The following RNF180 variants were observed in gnomAD, a reference collection of about 807,000 sequenced individuals.
RNF180 encodes the protein E3 ubiquitin-protein ligase RNF180.
In RNF180, 38 loss-of-function variants were observed where a neutral mutation model predicts 59.2. The ratio of observed to expected loss-of-function variants is 0.64; its 90% CI spans 0.50 to 0.84. The LOEUF is 0.84. Among genes scored for constraint, RNF180 ranks in the 40% least tolerant of loss-of-function variants. The pLI is 0.00. For missense variants in RNF180, 705 were observed against 700.9 expected, an observed-to-expected ratio of 1.01 and a Z score of -0.07; for synonymous variants, 262 against 240.3, an observed-to-expected ratio of 1.09 and a Z score of -0.84.
At chr5:64,307,864 G>A (rs2112472948) in intron 5 of RNF180, among the ~76,000 whole-genome samples, 1 of 151,884 alleles carries the variant, frequency 6.6e-6, no homozygotes, top group South Asian at 2.1e-4. Flanking sequence ...CCAGTGAGAA[G>A]TCAAAAAATT....
intron 1 of RNF180, among the ~76,000 whole-genome samples, chr5:64,169,319 G>T (rs140202510): frequency 4.6e-5 from 7 of 152,094 alleles, no homozygotes; most frequent in Non-Finnish European, 7.4e-5. Flanking sequence ...GGGCATTAAC[G>T]CTACTCTCAG....
intron 7 of RNF180, among the ~76,000 whole-genome samples, chr5:64,366,128 T>G (rs1348809722): frequency 6.6e-6 from 1 of 151,664 alleles, no homozygotes; most frequent in Non-Finnish European, 1.5e-5. Flanking sequence ...CCATATTTAA[T>G]GCATCTTTCA....
intron 4 of RNF180, among the ~76,000 whole-genome samples, chr5:64,214,733 CTT>C (rs765313017): frequency 2.5e-4 from 38 of 152,186 alleles, no homozygotes; most frequent in South Asian, 8.3e-4. Flanking sequence ...GAAAAAACCT[CTT>C]TTGTGCAATT....
intron 7 of RNF180, among the ~76,000 whole-genome samples, chr5:64,360,942 A>G (rs1197386905): frequency 6.6e-6 from 1 of 151,708 alleles, no homozygotes; most frequent in Non-Finnish European, 1.5e-5. Flanking sequence ...TAGGCATTAA[A>G]TATGCTATAT....
intron 5 of RNF180, among the ~76,000 whole-genome samples, chr5:64,238,984 T>G (rs1033083052): frequency 6.6e-6 from 1 of 152,170 alleles, no homozygotes; most frequent in Non-Finnish European, 1.5e-5. Flanking sequence ...ATGAGGTGGA[T>G]GAAATGGCTA....
intron 2 of RNF180, among the ~76,000 whole-genome samples, chr5:64,209,168 C>T (rs1274469936): frequency 2.0e-5 from 3 of 151,912 alleles, no homozygotes; most frequent in South Asian, 4.1e-4. Context: ...ACTCTTAAAA[C>T]GGTGCCTGTG....
At chr5:64,329,869 C>T (rs186621714) in intron 6 of RNF180, among the ~76,000 whole-genome samples, 109 of 152,328 alleles carry the variant, frequency 7.2e-4, no homozygotes, top group African/African-American at 2.6e-3. Flanking sequence ...GGCAGCAATG[C>T]TTATTTGCCT....
At chr5:64,223,622 G>A (rs1741484414) in intron 5 of RNF180, among the ~76,000 whole-genome samples, 2 of 152,220 alleles carry the variant, frequency 1.3e-5, no homozygotes, top group Middle Eastern at 3.4e-3. Flanking sequence ...CCCAAAGTTT[G>A]TGCCCTTAAC....
chr5:64,178,005 A>G (rs1750351192), intron 1 of RNF180, among the ~76,000 whole-genome samples: 1 of 152,054 alleles, frequency 6.6e-6, no homozygotes, highest in South Asian at 2.1e-4. Context: ...GGAGATTGAG[A>G]CCATCCTGAC....
chr5:64,212,119 G>A lies in RNF180; in HGVS notation c.190G>A (p.Val64Ile), dbSNP rs377386566. The A allele has an allele frequency of 6.8e-6, 11 of 1,607,742 alleles. No individual in the cohort carries two copies. The African/African-American group carries it at 1.3e-4, about 20-fold the overall frequency. Reference sequence around the variant, plus strand: ...TATTTGTCATGTGTGGCACATGAATGTAGAAGCCCTTCCAGAATGGATAAG... The same window carrying A: ...TATTTGTCATGTGTGGCACATGAATATAGAAGCCCTTCCAGAATGGATAAG... ...QNICHVWHMNVEALPEWISCL... is the reference protein window; with the variant it reads ...QNICHVWHMNIEALPEWISCL... The change falls in exon 3 of 8, where the codon GTA becomes ATA. Residue 64 changes from valine (V) to isoleucine (I), a missense_variant. Coordinates refer to ENST00000389100, the MANE Select transcript of RNF180 (RefSeq NM_001113561.2).
At chr5:64,352,754 G>T (rs1345825897) in intron 7 of RNF180, among the ~76,000 whole-genome samples, 4 of 151,916 alleles carry the variant, frequency 2.6e-5, no homozygotes, top group Non-Finnish European at 4.4e-5. Context: ...GGAATTTTTT[G>T]ATATAAAATA....
In RNF180 at chr5:64,325,194, T is replaced by C; in HGVS notation, c.1236T>C (p.Asn412=). 1 of 1,547,846 alleles carries C rather than the reference T, an allele frequency of 6.5e-7. No individual in the cohort carries two copies. Among genetic ancestry groups the C allele is most frequent in the Non-Finnish European group, 8.7e-7 (1 of 1,143,596 alleles). The change falls in exon 6 of 8, where the codon AAT becomes AAC. Residue 412 remains asparagine (N), a synonymous_variant. Coordinates refer to ENST00000389100, the MANE Select transcript of RNF180 (RefSeq NM_001113561.2). ...GVGLLDHMTL[N]NEMSTDEDNE... ...TTTCTTATGTTTTGCAGACTTTGAA[T>C]AATGAGATGAGTACAGATGAAGACA...
chr5:64,202,109 G>A (rs1751785210), intron 2 of RNF180, among the ~76,000 whole-genome samples: 1 of 152,192 alleles, frequency 6.6e-6, no homozygotes, highest in Admixed American at 6.5e-5. Flanking sequence ...GCCCTGCCAT[G>A]AATCAGATCA....
At chr5:64,260,643 G>A (rs1451099433) in intron 5 of RNF180, among the ~76,000 whole-genome samples, 1 of 152,104 alleles carries the variant, frequency 6.6e-6, no homozygotes, top group Non-Finnish European at 1.5e-5. Flanking sequence ...TTCTAGAGAG[G>A]TAATTAAACA....
At chr5:64,260,144 A>G (rs555286575) in intron 5 of RNF180, among the ~76,000 whole-genome samples, 4 of 152,318 alleles carry the variant, frequency 2.6e-5, no homozygotes, top group African/African-American at 9.6e-5. Context: ...ATATTTATAC[A>G]TATTTATGCA....
chr5:64,285,818 A>G (rs898894444), intron 5 of RNF180, among the ~76,000 whole-genome samples: 1 of 152,196 alleles, frequency 6.6e-6, no homozygotes, highest in South Asian at 2.1e-4. Flanking sequence ...TGGGGAAGGG[A>G]CATCCCTGGC....
chr5:64,327,609 A>T (rs1744707108), intron 6 of RNF180, among the ~76,000 whole-genome samples: 1 of 152,130 alleles, frequency 6.6e-6, no homozygotes, highest in South Asian at 2.1e-4. Context: ...TTTGATGTCC[A>T]GTTTTATTCC....
chr5:64,213,012 G>A (rs1316141275), intron 3 of RNF180, among the ~76,000 whole-genome samples: 1 of 152,144 alleles, frequency 6.6e-6, no homozygotes, highest in East Asian at 1.9e-4. Flanking sequence ...ATAATTTTAA[G>A]ACAGTTCATT....
At chr5:64,245,876 T>G (rs1318172113) in intron 5 of RNF180, among the ~76,000 whole-genome samples, 1 of 152,090 alleles carries the variant, frequency 6.6e-6, no homozygotes, top group Non-Finnish European at 1.5e-5. Context: ...AGTAAAACAC[T>G]CCTCACCAAA....
Sources: allele counts gnomAD v4.1 joint callset (sites outside exome capture counted in the v4.1 genomes callset), GRCh38; gene constraint gnomAD v4.1.1; transcripts MANE v1.5; gene names NCBI Gene and HGNC (gene_info 2026-07-23, HGNC 2026-07-21).